The following LGALS9 variants were observed in gnomAD, a reference collection of about 807,000 sequenced individuals.
LGALS9 encodes galectin 9.
In LGALS9, 26 loss-of-function variants were observed where a neutral mutation model predicts 35.9. The observed-to-expected ratio is 0.72, with a 90% CI of 0.53 to 1.01. The LOEUF is 1.01. Ranked by LOEUF, LGALS9 falls within the 50% of genes least tolerant of loss-of-function variation. The pLI is 0.00. For synonymous variants in LGALS9, 149 were observed against 172.2 expected (o/e 0.87, Z 1.06); for missense variants, 347 against 445.8 (o/e 0.78, Z 1.99).
chr17:27,640,420 A>G (rs1242120379), intron 2 of LGALS9, 152 bp from the exon 3 acceptor site: 1 of 1,186,118 alleles, frequency 8.4e-7, no homozygotes, highest in African/African-American at 1.5e-5. Flanking sequence ...TCCCAATTAG[A>G]AAAACAAAAA....
chr17:27,640,502 G>T, intron 2 of LGALS9, 70 bp from the exon 3 acceptor site: 1 of 1,601,660 alleles, frequency 6.2e-7, no homozygotes, highest in Non-Finnish European at 8.5e-7. Flanking sequence ...CACAGGCGCC[G>T]AGGCCCTCCT....
At chr17:27,646,427 C>T (rs1904946513) in intron 7 of LGALS9, 120 bp from the exon 8 acceptor site, 1 of 1,505,878 alleles carries the variant, frequency 6.6e-7, no homozygotes, top group East Asian at 2.3e-5. Flanking sequence ...AGTCCAAGGG[C>T]CAAAGGCTCA....
At chr17:27,642,467 A>G in intron 4 of LGALS9, 119 bp downstream of exon 4, 1 of 1,428,950 alleles carries the variant, frequency 7.0e-7, no homozygotes, top group Non-Finnish European at 9.3e-7. Context: ...TCTGGGGACA[A>G]CCTCTGCTTC....
In LGALS9 at chr17:27,640,753, G is replaced by A. The variant is rs1266659477; in HGVS notation, c.313G>A (p.Val105Met). The A allele has an allele frequency of 3.1e-6, 5 of 1,614,018 alleles. No individual in the cohort carries two copies. Among genetic ancestry groups the A allele is most frequent in the Non-Finnish European group, 4.2e-6 (5 of 1,179,996 alleles). The part of the protein sequence containing the change: ...KGMPFDLCFL[V>M]QSSDFKVMVN... Reference sequence around the variant, plus strand: ...GATGCCCTTTGACCTCTGCTTCCTGGTGCAGAGCTCAGATTTCAAGGTGAG... The same window carrying A: ...GATGCCCTTTGACCTCTGCTTCCTGATGCAGAGCTCAGATTTCAAGGTGAG... Residue 105 changes from valine (V) to methionine (M), a missense_variant, in exon 3 of 11, where the codon GTG becomes ATG. Physicochemically the swap from Val to Met is conservative, Grantham distance 21. Transcript: ENST00000395473.
intron 10 of LGALS9, 48 bp downstream of exon 10, chr17:27,647,480 G>A (rs2151298752): frequency 6.2e-7 from 1 of 1,609,100 alleles, no homozygotes; most frequent in Non-Finnish European, 8.5e-7. Context: ...TGGGTGCACA[G>A]GGGGAGGGGG....
At chr17:27,640,911 A>C in intron 3 of LGALS9, 138 bp downstream of exon 3, 2 of 1,359,232 alleles carry the variant, frequency 1.5e-6, no homozygotes, top group Non-Finnish European at 2.1e-6. Context: ...TTTCCTTGTG[A>C]GGTGTTACCC....
intron 1 of LGALS9, among the ~76,000 whole-genome samples, chr17:27,634,242 T>C (rs1436699267): frequency 6.6e-6 from 1 of 152,200 alleles, no homozygotes; most frequent in Non-Finnish European, 1.5e-5. Context: ...TGACCCCTCC[T>C]GCCATCTTTA....
intron 1 of LGALS9, among the ~76,000 whole-genome samples, chr17:27,632,543 G>T (rs2074403321): frequency 6.6e-6 from 1 of 152,238 alleles, no homozygotes; most frequent in South Asian, 2.1e-4. Flanking sequence ...GGGGCTGGGG[G>T]AAGCTGGAAC....
chr17:27,634,197 C>T (rs1461161915), intron 1 of LGALS9, among the ~76,000 whole-genome samples: 2 of 152,220 alleles, frequency 1.3e-5, no homozygotes, highest in African/African-American at 4.8e-5. Flanking sequence ...TTTTCCTTTT[C>T]CATCTTCTAG....
chr17:27,644,307 G>A (rs927263164), intron 5 of LGALS9: 1 of 153,996 alleles, frequency 6.5e-6, no homozygotes, highest in Admixed American at 6.5e-5. Context: ...TCCCCACAGA[G>A]TCTGTATGTA....
At chr17:27,640,796 C>T (rs1322965655) in intron 3 of LGALS9, 23 bp downstream of exon 3, 12 of 1,613,074 alleles carry the variant, frequency 7.4e-6, no homozygotes, top group Non-Finnish European at 1.0e-5. Flanking sequence ...CCCCTCCCCA[C>T]CTCTCACCCC....
chr17:27,640,806 CT>C (rs773927217), intron 3 of LGALS9, 33 bp downstream of exon 3: 18 of 1,612,240 alleles, frequency 1.1e-5, no homozygotes, highest in African/African-American at 1.1e-4. Flanking sequence ...CCTCTCACCC[CT>C]GGGACCCCCA....
chr17:27,648,655 C>T (rs1466925304), intron 10 of LGALS9, among the ~76,000 whole-genome samples, 181 bp from the exon 11 acceptor site: 1 of 149,676 alleles, frequency 6.7e-6, no homozygotes, highest in African/African-American at 2.5e-5. Flanking sequence ...GGGAACAGTA[C>T]AGGGGAAAGA....
At chr17:27,632,882 C>T (rs1156276309) in intron 1 of LGALS9, among the ~76,000 whole-genome samples, 1 of 152,206 alleles carries the variant, frequency 6.6e-6, no homozygotes, top group Admixed American at 6.5e-5. Context: ...GCAGTCGGAG[C>T]CACGCTTCCT....
chr17:27,640,893 C>A lies in LGALS9; in HGVS notation c.333+120C>A, dbSNP rs190137188. ...CAGAGTGACACCACTATACAGATAA[C>A]ACGCTCATTTCCTTGTGAGGTGTTA... On this transcript the variant is annotated intron_variant, in intron 3 of 10. Transcript: ENST00000395473. 9.3e-5 allele frequency: 134 copies of A among 1,444,122 alleles called. No homozygotes were observed. In the African/African-American group the frequency reaches 1.8e-3, roughly 19 times the overall value. The allele number at this position is 1,444,122 out of a possible 1,614,324, so 89.5% of individuals were successfully genotyped here. A position where few individuals can be genotyped will look rare whatever the true frequency, so the allele number is the denominator to read the frequency against.
chr17:27,633,347 A>G (rs2074410659), intron 1 of LGALS9, among the ~76,000 whole-genome samples: 1 of 152,246 alleles, frequency 6.6e-6, no homozygotes, highest in Non-Finnish European at 1.5e-5. Flanking sequence ...ACCTCAAAAC[A>G]ACACATTTGT....
chr17:27,636,652 TG>T (rs1368102826), intron 1 of LGALS9, among the ~76,000 whole-genome samples: 1 of 151,962 alleles, frequency 6.6e-6, no homozygotes, highest in African/African-American at 2.4e-5. Flanking sequence ...TTTTATTTTT[TG>T]TAGAGATGGG....
intron 10 of LGALS9, 147 bp from the exon 11 acceptor site, chr17:27,648,689 G>T (rs949929863): frequency 3.7e-6 from 5 of 1,337,648 alleles, no homozygotes; most frequent in Middle Eastern, 2.6e-4. Flanking sequence ...GTTTAGTGAA[G>T]AGCCGTCGTT....
intron 6 of LGALS9, 77 bp from the exon 7 acceptor site, chr17:27,645,784 C>G: frequency 8.2e-7 from 1 of 1,215,226 alleles, no homozygotes; most frequent in Non-Finnish European, 1.2e-6. Context: ...AGGGTGCCTG[C>G]CGTGTGGCGC....
Sources: gnomAD v4.1 joint callset for allele counts (sites outside exome capture counted in the v4.1 genomes callset) on GRCh38, gnomAD v4.1.1 for gene constraint, MANE v1.5 for transcripts, NCBI Gene and HGNC (gene_info 2026-07-23, HGNC 2026-07-21) for gene names.